Variants in LDB2 observed in about 807,000 individuals in gnomAD.
LDB2 encodes LIM domain binding 2, also known as LIM domain-binding protein 2.
A neutral mutation model predicts 44.3 loss-of-function variants in LDB2; 12 were observed. The observed-to-expected ratio is 0.27, with a 90% CI of 0.17 to 0.44. The LOEUF (loss-of-function observed/expected upper bound fraction) is 0.44. Among genes scored for constraint, LDB2 ranks in the 20% least tolerant of loss-of-function variants. The probability of loss-of-function intolerance (pLI) is 1.00; values close to 1 mark genes in which losing one functional copy is unlikely to be tolerated. For synonymous variants in LDB2, 164 were observed against 174.8 expected (o/e 0.94, Z 0.49); for missense variants, 344 against 473.5 (o/e 0.73, Z 2.54).
At chr4:16,523,756 G>T (rs771343305) in intron 5 of LDB2, among the ~76,000 whole-genome samples, 2 of 152,170 alleles carry the variant, frequency 1.3e-5, no homozygotes, top group Non-Finnish European at 1.5e-5. Flanking sequence ...ACAAAGGACA[G>T]TGTGGGGTTT....
intron 5 of LDB2, among the ~76,000 whole-genome samples, chr4:16,558,394 C>T (rs1468960799): frequency 1.3e-5 from 2 of 152,126 alleles, no homozygotes; most frequent in South Asian, 2.1e-4. Context: ...AGCCAAGGCT[C>T]GGGAACTACG....
intron 3 of LDB2, among the ~76,000 whole-genome samples, chr4:16,592,505 T>TATACACACAC (rs757702164): frequency 1.7e-4 from 18 of 108,048 alleles, no homozygotes; most frequent in South Asian, 1.0e-3. Context: ...TATATATATA[T>TATACACACAC]ACACACACAC....
At chr4:16,791,556 G>A (rs867068789) in intron 1 of LDB2, among the ~76,000 whole-genome samples, 28 of 59,010 alleles carry the variant, frequency 4.7e-4, no homozygotes, top group South Asian at 9.2e-4. Flanking sequence ...CTCTGGCTCA[G>A]AAAAAAAAAA....
chr4:16,741,225 C>T lies in LDB2; in HGVS notation c.235+17933G>A, dbSNP rs73799257. Among the ~76,000 whole-genome samples the T allele has an allele frequency of 2.5e-3, 382 of 152,288 alleles. 1 individual carries two copies. The highest frequency in any genetic ancestry group is 7.8e-3 in the African/African-American group (323 of 41,578). ...GAAAGATCTTCCTTTTAAAGCACTA[C>T]GGTTTGTCAACATGTGACTTCTATC... On this transcript the variant is annotated intron_variant, in intron 2 of 7. Coordinates refer to ENST00000304523, the MANE Select transcript of LDB2 (RefSeq NM_001290.5).
At chr4:16,884,332 C>T (rs929503725) in intron 1 of LDB2, among the ~76,000 whole-genome samples, 3 of 152,070 alleles carry the variant, frequency 2.0e-5, no homozygotes, top group East Asian at 1.9e-4. Context: ...AACCAAGGCA[C>T]GGAGAAGTTA....
chr4:16,855,756 T>C (rs553221382), intron 1 of LDB2, among the ~76,000 whole-genome samples: 30 of 148,872 alleles, frequency 2.0e-4, no homozygotes, highest in African/African-American at 7.0e-4. Context: ...ATGAGTGTGA[T>C]TTTTTTATTG....
Position 16,502,605 on chromosome 4 carries a change from C to T in LDB2, c.*38G>A. ...AAGATTTGCAATTGTAATGATCACCCACGGGCCTATTGACAGTGGATTCTG... is the reference window on the plus strand; with the variant it reads ...AAGATTTGCAATTGTAATGATCACCTACGGGCCTATTGACAGTGGATTCTG... On this transcript the variant is annotated 3_prime_UTR_variant, in exon 8 of 8. Coordinates refer to ENST00000304523, the MANE Select transcript of LDB2 (RefSeq NM_001290.5). 6.2e-7 allele frequency: 1 copy of T among 1,607,280 alleles called. No individual in the cohort carries two copies. Among genetic ancestry groups the T allele is most frequent in the Non-Finnish European group, 8.5e-7 (1 of 1,174,154 alleles).
intron 1 of LDB2, among the ~76,000 whole-genome samples, chr4:16,795,045 G>A (rs74579322): frequency 6.6e-6 from 1 of 152,192 alleles, no homozygotes; most frequent in Non-Finnish European, 1.5e-5. Context: ...AGTAGAGGGC[G>A]CTAGGAGCGG....
Position 16,797,107 on chromosome 4 carries a change from T to C in LDB2, c.133-37847A>G, listed in dbSNP as rs529163813. 6.6e-5 allele frequency among the ~76,000 whole-genome samples: 10 copies of C among 152,266 alleles called. No homozygotes were observed. In the South Asian group the frequency reaches 2.1e-3, roughly 32 times the overall value. ...CCTTGGTATATGCAGAGAATTGGTT[T>C]CAGGACCCCTGCATTGACCAAAATC... On this transcript the variant is annotated intron_variant, in intron 1 of 7. Transcript: ENST00000304523.
intron 2 of LDB2, among the ~76,000 whole-genome samples, chr4:16,636,061 G>C (rs1018864404): frequency 6.6e-6 from 1 of 152,110 alleles, no homozygotes; most frequent in African/African-American, 2.4e-5. Flanking sequence ...GCAGAGTTAA[G>C]GATTGTTTTA....
chr4:16,816,649 G>A (rs972207897), intron 1 of LDB2, among the ~76,000 whole-genome samples: 1 of 151,898 alleles, frequency 6.6e-6, no homozygotes, highest in Non-Finnish European at 1.5e-5. Flanking sequence ...GACCTCAAGC[G>A]ATCCGCCCGC....
At chr4:16,516,290 T>C (rs914359372) in intron 5 of LDB2, among the ~76,000 whole-genome samples, 1 of 152,254 alleles carries the variant, frequency 6.6e-6, no homozygotes, top group Admixed American at 6.5e-5. Context: ...TGAGTTAATA[T>C]GTCTAATGCA....
intron 5 of LDB2, among the ~76,000 whole-genome samples, chr4:16,524,584 G>T (rs555605893): frequency 6.6e-6 from 1 of 152,260 alleles, no homozygotes; most frequent in Admixed American, 6.5e-5. Flanking sequence ...GCAGGGATCC[G>T]GTTAAATCAA....
intron 2 of LDB2, among the ~76,000 whole-genome samples, chr4:16,598,475 G>C (rs1282982873): frequency 1.3e-5 from 2 of 152,152 alleles, no homozygotes; most frequent in South Asian, 2.1e-4. Flanking sequence ...CAATTGAGCT[G>C]CCTCAAGCTG....
At chr4:16,845,616 C>CA (rs1786817415) in intron 1 of LDB2, among the ~76,000 whole-genome samples, 1 of 152,192 alleles carries the variant, frequency 6.6e-6, no homozygotes, top group Admixed American at 6.5e-5. Flanking sequence ...ATGACAGCAA[C>CA]AGTGACAGGA....
At chr4:16,826,622 A>G (rs1783105434) in intron 1 of LDB2, 1 of 152,242 alleles carries the variant, frequency 6.6e-6, no homozygotes, top group Non-Finnish European at 1.5e-5. Flanking sequence ...AGGTTTTATA[A>G]GATAGACAGA....
chr4:16,866,309 G>A (rs754265332), intron 1 of LDB2, among the ~76,000 whole-genome samples: 1 of 152,070 alleles, frequency 6.6e-6, no homozygotes, highest in South Asian at 2.1e-4. Flanking sequence ...GAGGAATATC[G>A]AATTTAAATA....
At chr4:16,503,018 G>C in intron 7 of LDB2, 145 bp from the exon 8 acceptor site, 1 of 1,571,296 alleles carries the variant, frequency 6.4e-7, no homozygotes, top group Admixed American at 1.8e-5. Context: ...CGGGGGCCGA[G>C]ACGCATATTT....
intron 2 of LDB2, among the ~76,000 whole-genome samples, chr4:16,754,819 A>G (rs895969012): frequency 2.0e-5 from 3 of 152,198 alleles, no homozygotes; most frequent in Non-Finnish European, 2.9e-5. Context: ...GGCGTTAGCC[A>G]CAGCACCCAG....
Sources: gnomAD v4.1 joint callset for allele counts (sites outside exome capture counted in the v4.1 genomes callset) on GRCh38, gnomAD v4.1.1 for gene constraint, MANE v1.5 for transcripts, NCBI Gene and HGNC (gene_info 2026-07-23, HGNC 2026-07-21) for gene names.